Variants in ZNF516 observed in about 807,000 individuals in gnomAD.
The protein encoded by ZNF516 is zinc finger protein 516.
ZNF516 carries 19 observed loss-of-function variants against 79.7 expected under a neutral mutation model. The observed-to-expected ratio is 0.24, with a 90% CI of 0.17 to 0.35. The LOEUF is 0.35. Among genes scored for constraint, ZNF516 ranks in the 10% least tolerant of loss-of-function variants. The pLI is 1.00. For missense variants in ZNF516, 1,678 were observed against 1,679.5 expected, an observed-to-expected ratio of 1.00 and a Z score of 0.02; for synonymous variants, 877 against 739.5, an observed-to-expected ratio of 1.19 and a Z score of -3.02.
intron 1 of ZNF516, among the ~76,000 whole-genome samples, chr18:76,473,909 G>C (rs374102562): frequency 2.0e-5 from 2 of 101,274 alleles, no homozygotes; most frequent in African/African-American, 6.1e-5. Context: ...TGTGTGGGGG[G>C]GGGGGGGGCT....
intron 3 of ZNF516, among the ~76,000 whole-genome samples, chr18:76,417,569 A>T (rs1040513384): frequency 1.3e-5 from 2 of 152,188 alleles, no homozygotes; most frequent in Non-Finnish European, 2.9e-5. Flanking sequence ...TTCCATAAAA[A>T]CCTATTTCAG....
At chr18:76,471,523 C>T (rs4261630) in intron 1 of ZNF516, among the ~76,000 whole-genome samples, 1 of 152,190 alleles carries the variant, frequency 6.6e-6, no homozygotes, top group Non-Finnish European at 1.5e-5. Flanking sequence ...GAGGCCTTTT[C>T]CAGTTCAGAA....
intron 6 of ZNF516, among the ~76,000 whole-genome samples, chr18:76,364,365 G>A (rs891594888): frequency 1.3e-5 from 2 of 152,154 alleles, no homozygotes; most frequent in Admixed American, 6.5e-5. Context: ...GGGAAGAAAG[G>A]AGGCAGAGAA....
chr18:76,489,139 A>T (rs1313506471), intron 1 of ZNF516, among the ~76,000 whole-genome samples: 1 of 152,196 alleles, frequency 6.6e-6, no homozygotes, highest in Admixed American at 6.5e-5. Flanking sequence ...CTCCCACCAA[A>T]TTCTTTTTAA....
chr18:76,380,050 A>G lies in ZNF516; in HGVS notation c.2064T>C (p.Gly688=), dbSNP rs2145034556. Residue 688 remains glycine, a synonymous_variant, in exon 4 of 7, where the codon GGT becomes GGC. Transcript: ENST00000443185. ...FHPKQEVPVP[G]DGVEFPSSTG... ...TACTGGAAGGGAACTCCACACCATCACCAGGGACGGGCACCTCCTGCTTGG... is the reference window on the plus strand; with the variant it reads ...TACTGGAAGGGAACTCCACACCATCGCCAGGGACGGGCACCTCCTGCTTGG... The G allele has an allele frequency of 6.2e-7, 1 of 1,613,788 alleles. No individual in the cohort carries two copies. Among genetic ancestry groups the G allele is most frequent in the Non-Finnish European group, 8.5e-7 (1 of 1,179,852 alleles).
At chr18:76,424,576 C>CT (rs1180663672) in intron 3 of ZNF516, among the ~76,000 whole-genome samples, 2 of 108,388 alleles carry the variant, frequency 1.8e-5, no homozygotes, top group Non-Finnish European at 3.6e-5. Flanking sequence ...AAGGTTCCCC[C>CT]GAAACACACG....
In ZNF516 at chr18:76,358,957, G is replaced by C. The variant is rs2074494025; in HGVS notation, c.*3541C>G. ...GAGGCCGACCAGAGTTGCCAGCCTGGAGAGGCACCATGGAGATGAAGCTTG... is the reference window on the plus strand; with the variant it reads ...GAGGCCGACCAGAGTTGCCAGCCTGCAGAGGCACCATGGAGATGAAGCTTG... On this transcript the variant is annotated 3_prime_UTR_variant, in exon 7 of 7. Transcript: ENST00000443185. The C allele has an allele frequency of 6.6e-6, 1 of 152,368 alleles. No homozygotes were observed. The highest frequency in any genetic ancestry group is 2.4e-5 in the African/African-American group (1 of 41,444). The allele number at this position is 152,368 out of a possible 1,614,324, so 9.4% of individuals were successfully genotyped here.
chr18:76,437,226 C>T (rs1019926526), intron 3 of ZNF516, among the ~76,000 whole-genome samples: 3 of 152,182 alleles, frequency 2.0e-5, no homozygotes, highest in South Asian at 2.1e-4. Flanking sequence ...TCACAGCCAG[C>T]GCACCAGCAC....
chr18:76,469,935 T>G (rs1276499919), intron 1 of ZNF516, among the ~76,000 whole-genome samples: 1 of 152,234 alleles, frequency 6.6e-6, no homozygotes, highest in Non-Finnish European at 1.5e-5. Flanking sequence ...TGCTTTAAAA[T>G]TGTACTCAGG....
chr18:76,370,695 C>T (rs2074688978), intron 5 of ZNF516, 100 bp from the exon 6 acceptor site: 4 of 1,005,294 alleles, frequency 4.0e-6, no homozygotes, highest in African/African-American at 3.3e-5. Flanking sequence ...CAAAAAAAGA[C>T]ACCAGCGCCT....
chr18:76,496,298 T>C (rs191547679), upstream of ZNF516: 236 of 1,289,590 alleles, frequency 1.8e-4, 1 homozygote, highest in African/African-American at 3.4e-3. Context: ...CGTATTGTTC[T>C]CCTTCTCCTC....
At chr18:76,371,398 C>T in intron 5 of ZNF516, 69 bp downstream of exon 5, 1 of 1,452,206 alleles carries the variant, frequency 6.9e-7, no homozygotes, top group African/African-American at 1.4e-5. Flanking sequence ...TGCGGATGGT[C>T]AAGCCACTGA....
intron 3 of ZNF516, among the ~76,000 whole-genome samples, chr18:76,390,437 G>A (rs867278436): frequency 4.6e-5 from 7 of 152,176 alleles, no homozygotes; most frequent in African/African-American, 1.7e-4. Flanking sequence ...CCTGTTGCGG[G>A]GTGGAGCAGG....
At chr18:76,449,704 C>T (rs1487743955) in intron 2 of ZNF516, among the ~76,000 whole-genome samples, 5 of 152,158 alleles carry the variant, frequency 3.3e-5, no homozygotes, top group South Asian at 2.1e-4. Flanking sequence ...CCATCTTAGA[C>T]GGGATTAATA....
chr18:76,411,136 G>A (rs139716469), intron 3 of ZNF516, among the ~76,000 whole-genome samples: 10 of 152,280 alleles, frequency 6.6e-5, no homozygotes, highest in East Asian at 5.8e-4. Flanking sequence ...GTCCTCCTCC[G>A]GGATGGAAAC....
chr18:76,428,906 T>C (rs922274458), intron 3 of ZNF516, among the ~76,000 whole-genome samples: 17 of 152,226 alleles, frequency 1.1e-4, no homozygotes, highest in African/African-American at 3.9e-4. Flanking sequence ...GAGCCTAGCA[T>C]GGGTCTAGCC....
At position 76,490,851 on chromosome 18, in the gene ZNF516, CT is replaced by C. The variant is rs891358845; in HGVS notation, c.-272+4292del. The C allele has an allele frequency of 3.2e-5, 32 of 985,518 alleles. No homozygotes were observed. The African/African-American group carries it at 5.6e-4, about 17-fold the overall frequency. 61.0% of individuals were successfully genotyped at this position (985,518 alleles called of 1,614,324 possible). On this transcript the variant is annotated intron_variant, in intron 1 of 6. Transcript: ENST00000443185. ...GTCCTTTGTTACGCAGGGGACACCC[CT>C]GGAAGGCCAGCCCAACGCCCACGGG...
At chr18:76,460,142 CG>C (rs910533085) in intron 2 of ZNF516, among the ~76,000 whole-genome samples, 4 of 152,332 alleles carry the variant, frequency 2.6e-5, no homozygotes, top group Admixed American at 2.6e-4. Flanking sequence ...TTGAAACATG[CG>C]GAACTCCGAT....
chr18:76,373,649 G>A (rs1378465562), intron 4 of ZNF516, among the ~76,000 whole-genome samples: 1 of 152,206 alleles, frequency 6.6e-6, no homozygotes, highest in Non-Finnish European at 1.5e-5. Flanking sequence ...GAGCAACAGA[G>A]AAAACATGGA....
Sources: gnomAD v4.1 joint callset for allele counts (sites outside exome capture counted in the v4.1 genomes callset) on GRCh38, gnomAD v4.1.1 for gene constraint, MANE v1.5 for transcripts, NCBI Gene and HGNC (gene_info 2026-07-23, HGNC 2026-07-21) for gene names.